Variants in RABGAP1L observed in about 807,000 individuals in gnomAD.
RABGAP1L encodes RAB GTPase activating protein 1 like, also known as rab GTPase-activating protein 1-like.
Under a neutral mutation model 137.7 loss-of-function variants are expected in RABGAP1L, and 63 were observed. The ratio of observed to expected loss-of-function variants is 0.46; its 90% confidence interval spans 0.37 to 0.56. RABGAP1L has a LOEUF of 0.56. Among genes scored for constraint, RABGAP1L ranks in the 20% least tolerant of loss-of-function variants. The pLI, the probability that RABGAP1L is intolerant of heterozygous loss-of-function variation, is 0.00. For synonymous variants in RABGAP1L, 431 were observed against 433.7 expected (o/e 0.99, Z 0.08); for missense variants, 1,095 against 1,244.0 (o/e 0.88, Z 1.80).
chr1:174,775,170 C>T (rs1263328351), intron 18 of RABGAP1L, among the ~76,000 whole-genome samples: 1 of 152,124 alleles, frequency 6.6e-6, no homozygotes, highest in Non-Finnish European at 1.5e-5. Flanking sequence ...GAGGAAGTTG[C>T]ATACATCACT....
intron 17 of RABGAP1L, among the ~76,000 whole-genome samples, chr1:174,707,335 C>T (rs1449146506): frequency 2.6e-5 from 4 of 152,054 alleles, no homozygotes; most frequent in African/African-American, 9.7e-5. Flanking sequence ...AATGATTGAC[C>T]TGATCTCTGA....
Position 174,914,932 on chromosome 1 carries a change from T to A in RABGAP1L, c.2341-42525T>A, listed in dbSNP as rs575291823. 1.1e-3 allele frequency among the ~76,000 whole-genome samples: 166 copies of A among 152,378 alleles called. 1 individual carries two copies. The highest frequency in any genetic ancestry group is 3.9e-3 in the African/African-American group (161 of 41,600). On this transcript the variant is annotated intron_variant, in intron 19 of 25. Coordinates refer to ENST00000681986, the MANE Select transcript of RABGAP1L (RefSeq NM_001366446.1). The stretch of plus-strand genomic sequence containing the variant: ...TTAGTCTTTTGTACTTGGCTTCTTT[T>A]ACTTGGCATAATGATTTTGAGGTTA...
chr1:174,524,066 A>T (rs12081012), intron 13 of RABGAP1L, among the ~76,000 whole-genome samples: 53,349 of 151,678 alleles, frequency 0.35, 11,957 homozygotes, highest in African/African-American at 0.64. Flanking sequence ...TCCATATCTT[A>T]GCTACTATGA....
intron 18 of RABGAP1L, among the ~76,000 whole-genome samples, chr1:174,801,821 T>G (rs1418830078): frequency 6.6e-6 from 1 of 152,206 alleles, no homozygotes; most frequent in Non-Finnish European, 1.5e-5. Flanking sequence ...AGAAGCATTT[T>G]ATTTCAGGAG....
chr1:174,340,581 T>C (rs1681886114), intron 11 of RABGAP1L, among the ~76,000 whole-genome samples: 1 of 152,218 alleles, frequency 6.6e-6, no homozygotes, highest in African/African-American at 2.4e-5. Flanking sequence ...GCTCCATCCA[T>C]GTTCCTACAA....
At chr1:174,879,240 A>G (rs182888922) in intron 19 of RABGAP1L, among the ~76,000 whole-genome samples, 132 of 152,092 alleles carry the variant, frequency 8.7e-4, no homozygotes, top group Non-Finnish European at 4.4e-4. Flanking sequence ...AGCTGGGACT[A>G]CAGGTGCACA....
intron 13 of RABGAP1L, among the ~76,000 whole-genome samples, chr1:174,532,709 A>G (rs1664526229): frequency 6.6e-6 from 1 of 152,178 alleles, no homozygotes; most frequent in Non-Finnish European, 1.5e-5. Flanking sequence ...TTATGTAACT[A>G]CATGACTCTA....
chr1:174,896,726 G>A (rs1168869880), intron 19 of RABGAP1L, among the ~76,000 whole-genome samples: 2 of 152,032 alleles, frequency 1.3e-5, no homozygotes, highest in African/African-American at 4.8e-5. Context: ...TTTTTGTCAG[G>A]TTTGTCAAAG....
At chr1:174,297,664 C>G (rs1378514730) in intron 10 of RABGAP1L, among the ~76,000 whole-genome samples, 1 of 152,120 alleles carries the variant, frequency 6.6e-6, no homozygotes, top group African/African-American at 2.4e-5. Context: ...GGCAGAGCTC[C>G]CTCAGAGACC....
At chr1:174,803,598 G>T (rs982545927) in intron 18 of RABGAP1L, among the ~76,000 whole-genome samples, 6 of 151,272 alleles carry the variant, frequency 4.0e-5, no homozygotes, top group African/African-American at 1.5e-4. Context: ...ATAAGAAAGA[G>T]AATCACATTT....
chr1:174,709,488 G>A (rs1300443659), intron 17 of RABGAP1L, among the ~76,000 whole-genome samples: 1 of 152,186 alleles, frequency 6.6e-6, no homozygotes, highest in Admixed American at 6.5e-5. Context: ...AACAGACAGC[G>A]ATCTTTGCTG....
intron 1 of RABGAP1L, among the ~76,000 whole-genome samples, chr1:174,169,225 GT>G (rs372991047): frequency 3.9e-4 from 57 of 144,984 alleles, no homozygotes; most frequent in Admixed American, 4.2e-4. Context: ...ATATAAAGGT[GT>G]TTTTTTTTTT....
intron 11 of RABGAP1L, among the ~76,000 whole-genome samples, chr1:174,329,039 C>G (rs78953540): frequency 7.5e-6 from 1 of 132,876 alleles, no homozygotes; most frequent in Non-Finnish European, 1.7e-5. Flanking sequence ...CTTAAAAATA[C>G]AAAAAAAAAA....
intron 4 of RABGAP1L, among the ~76,000 whole-genome samples, chr1:174,236,656 T>G (rs1398793005): frequency 2.1e-5 from 3 of 145,666 alleles, no homozygotes; most frequent in Non-Finnish European, 3.0e-5. Flanking sequence ...ATTTCTGTTC[T>G]TTTACATTTG....
chr1:174,963,030 C>A (rs1190714247), intron 20 of RABGAP1L, among the ~76,000 whole-genome samples: 1 of 151,542 alleles, frequency 6.6e-6, no homozygotes, highest in East Asian at 1.9e-4. Flanking sequence ...ACCTGGGAGG[C>A]AGAGGTTGCA....
chr1:174,552,838 A>G (rs1385857352), intron 13 of RABGAP1L, among the ~76,000 whole-genome samples: 1 of 152,208 alleles, frequency 6.6e-6, no homozygotes, highest in Non-Finnish European at 1.5e-5. Flanking sequence ...TTACACTCCC[A>G]TCAACAGTGT....
rs560882693 is a variant in RABGAP1L, at chr1:174,945,308, A to G, written c.2341-12149A>G. On this transcript the variant is annotated intron_variant, in intron 19 of 25. Transcript: ENST00000681986. ...CATTCCATTACTCTCCAAATACTGT[A>G]CTAAAATTTTTAAGTGATAAATTTC... Among the ~76,000 whole-genome samples the G allele has an allele frequency of 5.3e-5, 8 of 152,320 alleles. No individual in the cohort carries two copies. The South Asian group carries it at 8.3e-4, about 16-fold the overall frequency.
chr1:174,394,481 A>G (rs1282035653), intron 13 of RABGAP1L, among the ~76,000 whole-genome samples: 1 of 152,194 alleles, frequency 6.6e-6, no homozygotes, highest in Non-Finnish European at 1.5e-5. Context: ...ATAATCATAC[A>G]TAGTTACTCT....
chr1:174,669,411 T>C (rs943955503), intron 14 of RABGAP1L, among the ~76,000 whole-genome samples: 3 of 152,168 alleles, frequency 2.0e-5, no homozygotes, highest in Admixed American at 6.6e-5. Flanking sequence ...AGTTTGCAAA[T>C]AATTTATCCC....
Sources: allele counts gnomAD v4.1 joint callset (sites outside exome capture counted in the v4.1 genomes callset), GRCh38; gene constraint gnomAD v4.1.1; transcripts MANE v1.5; gene names NCBI Gene and HGNC (gene_info 2026-07-23, HGNC 2026-07-21).